The following ANO3 variants were observed in gnomAD, a reference collection of about 807,000 sequenced individuals.
The protein encoded by ANO3 is anoctamin 3.
In ANO3, 99 loss-of-function variants were observed where a neutral mutation model predicts 144.8. The observed-to-expected ratio is 0.68, with a 90% CI of 0.58 to 0.81. The LOEUF is 0.81. Ranked by LOEUF, ANO3 falls within the 30% of genes least tolerant of loss-of-function variation. ANO3 has a pLI of 0.00. For synonymous variants in ANO3, 414 were observed against 392.6 expected, an observed-to-expected ratio of 1.05 and a Z score of -0.64; for missense variants, 905 against 1,202.2, an observed-to-expected ratio of 0.75 and a Z score of 3.66.
chr11:26,200,044 T>C (rs187811020), intron 1 of ANO3, among the ~76,000 whole-genome samples: 52 of 152,228 alleles, frequency 3.4e-4, no homozygotes, highest in Middle Eastern at 3.4e-3. Context: ...GGAAAGACTA[T>C]GAGGCTTCGA....
At chr11:26,600,143 A>G (rs1851749075) in intron 17 of ANO3, among the ~76,000 whole-genome samples, 1 of 152,242 alleles carries the variant, frequency 6.6e-6, no homozygotes, top group South Asian at 2.1e-4. Context: ...ACTAGTCTTC[A>G]TGTGAAATGA....
At chr11:26,528,142 A>C (rs569088815) in intron 7 of ANO3, among the ~76,000 whole-genome samples, 55 of 152,326 alleles carry the variant, frequency 3.6e-4, no homozygotes, top group African/African-American at 1.3e-3. Flanking sequence ...CACTGGTGGC[A>C]TGGTGATGGT....
intron 8 of ANO3, among the ~76,000 whole-genome samples, chr11:26,532,296 T>C (rs1298929339): frequency 2.6e-5 from 4 of 152,232 alleles, no homozygotes; most frequent in African/African-American, 7.2e-5. Flanking sequence ...TCCAAATGAC[T>C]GTTGGCTTTA....
intron 1 of ANO3, among the ~76,000 whole-genome samples, chr11:26,205,921 G>A (rs1452831345): frequency 6.6e-6 from 1 of 152,168 alleles, no homozygotes; most frequent in Non-Finnish European, 1.5e-5. Context: ...TACATGCAAA[G>A]GGTAGAGACA....
intron 1 of ANO3, among the ~76,000 whole-genome samples, chr11:26,247,855 G>A (rs1054618667): frequency 6.8e-6 from 1 of 147,828 alleles, no homozygotes; most frequent in Non-Finnish European, 1.5e-5. Context: ...TCAGCCTCCC[G>A]AGTAGCTGAG....
At chr11:26,344,664 C>A (rs1337284050) in intron 1 of ANO3, among the ~76,000 whole-genome samples, 1 of 152,028 alleles carries the variant, frequency 6.6e-6, no homozygotes, top group Admixed American at 6.6e-5. Context: ...CCCGCCCCAC[C>A]AAAATATTGT....
intron 1 of ANO3, among the ~76,000 whole-genome samples, chr11:26,337,973 G>A (rs191037031): frequency 8.5e-5 from 13 of 152,120 alleles, no homozygotes; most frequent in South Asian, 2.1e-4. Flanking sequence ...TAATGTAGTC[G>A]TACCTTGTTG....
intron 14 of ANO3, among the ~76,000 whole-genome samples, chr11:26,596,071 T>C (rs1851619198): frequency 6.6e-6 from 1 of 152,196 alleles, no homozygotes; most frequent in South Asian, 2.1e-4. Flanking sequence ...ATTGGAGTGT[T>C]ATAGGGTCAC....
intron 3 of ANO3, among the ~76,000 whole-genome samples, chr11:26,450,202 C>G (rs1196439705): frequency 2.6e-5 from 4 of 152,116 alleles, no homozygotes; most frequent in African/African-American, 9.7e-5. Context: ...ACTCATATTG[C>G]TTGGTGCAAG....
chr11:26,598,842 T>G lies in ANO3; in HGVS notation c.1531-16T>G. 6.2e-7 allele frequency: 1 copy of G among 1,606,620 alleles called. No homozygotes were observed. Among genetic ancestry groups the G allele is most frequent in the Non-Finnish European group, 8.5e-7 (1 of 1,177,100 alleles). ...TTATGGCTTTGATATTTAGATAACT[T>G]TCGTTTCTCTCATAGGAAACACTTC... On this transcript the variant is annotated splice_polypyrimidine_tract_variant and intron_variant, in intron 15 of 26. Coordinates refer to ENST00000256737, the MANE Select transcript of ANO3 (RefSeq NM_031418.4).
chr11:26,211,128 G>T (rs372796230), intron 1 of ANO3, among the ~76,000 whole-genome samples: 2 of 152,026 alleles, frequency 1.3e-5, no homozygotes, highest in African/African-American at 4.8e-5. Flanking sequence ...CTCAGCAAAT[G>T]CAAAAGAATG....
At chr11:26,381,457 C>T (rs1856587782) in intron 1 of ANO3, among the ~76,000 whole-genome samples, 1 of 152,172 alleles carries the variant, frequency 6.6e-6, no homozygotes, top group African/African-American at 2.4e-5. Context: ...ACTACGCCTA[C>T]ACTTTCTAAA....
At chr11:26,362,730 A>T (rs1855960313) in intron 1 of ANO3, among the ~76,000 whole-genome samples, 1 of 152,092 alleles carries the variant, frequency 6.6e-6, no homozygotes, top group Non-Finnish European at 1.5e-5. Context: ...AACAAATATT[A>T]TGTTTTTATA....
At chr11:26,654,646 G>A (rs1005856202) in intron 24 of ANO3, among the ~76,000 whole-genome samples, 3 of 151,948 alleles carry the variant, frequency 2.0e-5, no homozygotes, top group Admixed American at 2.0e-4. Context: ...ATAGTTACAA[G>A]GGAAACGTTT....
At chr11:26,313,558 G>A (rs1215910558) in intron 1 of ANO3, among the ~76,000 whole-genome samples, 3 of 151,872 alleles carry the variant, frequency 2.0e-5, no homozygotes, top group South Asian at 2.1e-4. Flanking sequence ...GTGGTGGTGC[G>A]TGCCTATAGT....
intron 1 of ANO3, among the ~76,000 whole-genome samples, chr11:26,229,548 GGCAACCCC>G (rs1234887697): frequency 7.2e-5 from 11 of 152,270 alleles, no homozygotes; most frequent in African/African-American, 2.6e-4. Context: ...GTTCTGGGAA[GGCAACCCC>G]CTTTCATATC....
intron 16 of ANO3, 132 bp downstream of exon 16, chr11:26,599,130 C>G: frequency 1.1e-6 from 1 of 929,488 alleles, no homozygotes; most frequent in Non-Finnish European, 1.6e-6. Context: ...GTAACACGTA[C>G]AATTAAACAA....
chr11:26,487,852 G>A (rs1860522047), intron 4 of ANO3, among the ~76,000 whole-genome samples: 1 of 152,162 alleles, frequency 6.6e-6, no homozygotes, highest in East Asian at 1.9e-4. Context: ...CATTCAAAAG[G>A]TGATTTAGGT....
chr11:26,603,980 T>C (rs1316149655), intron 17 of ANO3, among the ~76,000 whole-genome samples: 1 of 152,142 alleles, frequency 6.6e-6, no homozygotes, highest in Non-Finnish European at 1.5e-5. Context: ...TTTCTAGCTA[T>C]TTTGTAATGT....
Sources: allele counts gnomAD v4.1 joint callset (sites outside exome capture counted in the v4.1 genomes callset), GRCh38; gene constraint gnomAD v4.1.1; transcripts MANE v1.5; gene names NCBI Gene and HGNC (gene_info 2026-07-23, HGNC 2026-07-21).